TM2D1: variants seen among roughly 807,000 people sequenced by gnomAD.
TM2D1 encodes the protein TM2 domain containing 1, also known as TM2 domain-containing protein 1.
TM2D1 carries 15 observed loss-of-function variants against 28.4 expected under a neutral mutation model. The ratio of observed to expected loss-of-function variants is 0.53; its 90% CI spans 0.35 to 0.81. The LOEUF is 0.81. Ranked by LOEUF, TM2D1 falls within the 40% of genes least tolerant of loss-of-function variation. TM2D1 has a pLI of 0.01. For missense variants in TM2D1, 236 were observed against 254.9 expected, an observed-to-expected ratio of 0.93 and a Z score of 0.50; for synonymous variants, 93 against 96.2, an observed-to-expected ratio of 0.97 and a Z score of 0.20.
chr1:61,716,547 A>G (rs1375795413), intron 2 of TM2D1, among the ~76,000 whole-genome samples: 1 of 144,424 alleles, frequency 6.9e-6, no homozygotes, highest in Non-Finnish European at 1.5e-5. Context: ...ATAATTTTAT[A>G]TATGTATATA....
chr1:61,703,413 ATT>A (rs562710565), intron 3 of TM2D1, among the ~76,000 whole-genome samples: 19 of 131,444 alleles, frequency 1.4e-4, no homozygotes, highest in South Asian at 2.4e-4. Context: ...GTTTCACATA[ATT>A]TTTTTTTTTT....
At chr1:61,714,072 T>G (rs1644499390) in intron 2 of TM2D1, among the ~76,000 whole-genome samples, 1 of 144,836 alleles carries the variant, frequency 6.9e-6, no homozygotes, top group Admixed American at 6.9e-5. Context: ...ATTTTTTGTA[T>G]TTTTAGTAGA....
chr1:61,716,039 T>G (rs1644516332), intron 2 of TM2D1, among the ~76,000 whole-genome samples: 1 of 151,618 alleles, frequency 6.6e-6, no homozygotes, highest in African/African-American at 2.4e-5. Flanking sequence ...TCTCCTGACC[T>G]CGTGATCCAC....
intron 3 of TM2D1, among the ~76,000 whole-genome samples, chr1:61,707,399 T>A (rs761356118): frequency 6.6e-6 from 1 of 152,198 alleles, no homozygotes; most frequent in Non-Finnish European, 1.5e-5. Context: ...GCATTACAGA[T>A]AATATAAACC....
intron 5 of TM2D1, among the ~76,000 whole-genome samples, chr1:61,691,979 A>G (rs1387888256): frequency 1.4e-5 from 2 of 142,512 alleles, no homozygotes; most frequent in African/African-American, 5.0e-5. Context: ...ATATGGCACA[A>G]AATAATGAGT....
At chr1:61,718,077 G>A (rs182634514) in intron 2 of TM2D1, among the ~76,000 whole-genome samples, 2 of 152,184 alleles carry the variant, frequency 1.3e-5, no homozygotes, top group East Asian at 1.9e-4. Context: ...CAACACTTTC[G>A]GAGGCCGAGG....
At chr1:61,696,944 C>T (rs1316347952) in intron 4 of TM2D1, among the ~76,000 whole-genome samples, 1 of 151,554 alleles carries the variant, frequency 6.6e-6, no homozygotes, top group Admixed American at 6.6e-5. Context: ...TCTCATACCT[C>T]TCAGGAATGA....
chr1:61,703,726 A>G (rs1176088186), intron 3 of TM2D1, among the ~76,000 whole-genome samples: 1 of 29,064 alleles, frequency 3.4e-5, no homozygotes, highest in East Asian at 1.5e-3. Flanking sequence ...CTTTATATAT[A>G]TATATATATA....
chr1:61,714,601 C>A (rs1371773705), intron 2 of TM2D1, among the ~76,000 whole-genome samples: 2 of 152,200 alleles, frequency 1.3e-5, no homozygotes, highest in Non-Finnish European at 2.9e-5. Flanking sequence ...GTCACCCAGG[C>A]TAGAGTGCAA....
intron 5 of TM2D1, among the ~76,000 whole-genome samples, chr1:61,693,716 A>C (rs1471888639): frequency 6.6e-6 from 1 of 152,194 alleles, no homozygotes; most frequent in Non-Finnish European, 1.5e-5. Flanking sequence ...CTTTCTTTTA[A>C]AGCATAATGA....
chr1:61,691,323 C>T lies in TM2D1; in HGVS notation c.513+3374G>A, dbSNP rs187044896. ...CCAGCCTGACCAAATTGGTGAAACC[C>T]TATCTCTACTAAAAATACAAAATTA... On this transcript the variant is annotated intron_variant, in intron 5 of 6. Transcript: ENST00000606498. Among the ~76,000 whole-genome samples the T allele has an allele frequency of 1.3e-3, 197 of 151,718 alleles. 3 individuals carry two copies. The East Asian group carries it at 0.034, about 26-fold the overall frequency.
intron 5 of TM2D1, among the ~76,000 whole-genome samples, chr1:61,692,478 GAGAA>G (rs145746226): frequency 0.033 from 4,690 of 142,096 alleles, 245 homozygotes; most frequent in African/African-American, 0.11. Context: ...AGGAAGAAGA[GAGAA>G]AGAAAGAAAG....
intron 2 of TM2D1, among the ~76,000 whole-genome samples, chr1:61,720,585 A>G (rs976254074): frequency 6.6e-6 from 1 of 152,022 alleles, no homozygotes; most frequent in Non-Finnish European, 1.5e-5. Flanking sequence ...CTTCTTTTGT[A>G]TATCACCTAT....
intron 3 of TM2D1, 32 bp from the exon 4 acceptor site, chr1:61,701,057 T>G: frequency 1.3e-6 from 2 of 1,533,186 alleles, no homozygotes; most frequent in Non-Finnish European, 1.8e-6. Context: ...GTATCATATT[T>G]CCAATGTGAA....
chr1:61,716,758 C>A lies in TM2D1; in HGVS notation c.238+6955G>T, dbSNP rs369860319. On this transcript the variant is annotated intron_variant, in intron 2 of 6. Coordinates refer to ENST00000606498, the MANE Select transcript of TM2D1 (RefSeq NM_032027.3). ...AATCAATTCAAAAGAAGCCTACAAC[C>A]CTAGAGTTTATTTGTTTAGACATAC... Among the ~76,000 whole-genome samples the A allele has an allele frequency of 2.4e-4, 36 of 151,790 alleles. No homozygotes were observed. In the East Asian group the frequency reaches 5.4e-3, roughly 23 times the overall value.
intron 2 of TM2D1, among the ~76,000 whole-genome samples, chr1:61,713,222 A>G (rs1328344939): frequency 1.3e-5 from 2 of 152,016 alleles, no homozygotes; most frequent in Non-Finnish European, 2.9e-5. Context: ...TCATGCCTGT[A>G]ATCCCAGCAC....
chr1:61,722,009 T>C (rs1198959957), intron 2 of TM2D1, among the ~76,000 whole-genome samples: 1 of 148,280 alleles, frequency 6.7e-6, no homozygotes, highest in Non-Finnish European at 1.5e-5. Context: ...GGTTCATGCC[T>C]GTAAACCCAG....
chr1:61,696,964 TTGA>T (rs1390441846), intron 4 of TM2D1, among the ~76,000 whole-genome samples: 5 of 152,238 alleles, frequency 3.3e-5, no homozygotes, highest in Admixed American at 2.6e-4. Context: ...AATGAAGTTT[TTGA>T]TTATAATAAC....
chr1:61,697,679 T>C (rs988179076), intron 4 of TM2D1: 11 of 152,164 alleles, frequency 7.2e-5, no homozygotes, highest in African/African-American at 2.4e-4. Context: ...AAAGAACATA[T>C]CTGTCACACC....
Sources: allele counts gnomAD v4.1 joint callset (sites outside exome capture counted in the v4.1 genomes callset), GRCh38; gene constraint gnomAD v4.1.1; transcripts MANE v1.5; gene names NCBI Gene and HGNC (gene_info 2026-07-23, HGNC 2026-07-21).